Variants in UBR4 observed in about 807,000 individuals in gnomAD.
The protein encoded by UBR4 is ubiquitin protein ligase E3 component n-recognin 4.
In UBR4, 124 loss-of-function variants were observed where a neutral mutation model predicts 575.6. The observed-to-expected ratio is 0.22, with a 90% CI of 0.19 to 0.25. The LOEUF is 0.25. Ranked by LOEUF, UBR4 falls within the 10% of genes least tolerant of loss-of-function variation. The pLI is 1.00. For synonymous variants in UBR4, 2,455 were observed against 2,473.7 expected (o/e 0.99, Z 0.22); for missense variants, 4,818 against 6,478.8 (o/e 0.74, Z 8.80).
rs2083596155 is a variant in UBR4, at chr1:19,139,558, GT to G, written c.8594-339del. On this transcript the variant is annotated intron_variant, in intron 58 of 105. Transcript: ENST00000375254. This position sits in a 1 kb window ranked among gnomAD's most constrained non-coding sequence, Gnocchi z 4.2. ...TAAGAATCTGTGACATGGACGCTGAGTTTTCTAGCTAAAATGCTTCATGGTC... is the reference window on the plus strand; with the variant it reads ...TAAGAATCTGTGACATGGACGCTGAGTTTCTAGCTAAAATGCTTCATGGTC... 6.6e-6 allele frequency among the ~76,000 whole-genome samples: 1 copy of G among 152,180 alleles called. No homozygotes were observed. Among genetic ancestry groups the G allele is most frequent in the African/African-American group, 2.4e-5 (1 of 41,440 alleles).
intron 33 of UBR4, 100 bp from the exon 34 acceptor site, chr1:19,163,927 C>T: frequency 7.9e-7 from 1 of 1,259,034 alleles, no homozygotes; most frequent in South Asian, 1.2e-5. Context: ...AATCTGAGGA[C>T]ACTGTGAAGC....
At chr1:19,161,195 G>A (rs2087293517) in intron 37 of UBR4, 48 bp from the exon 38 acceptor site, 1 of 1,553,128 alleles carries the variant, frequency 6.4e-7, no homozygotes, top group Non-Finnish European at 8.8e-7. Flanking sequence ...CTCAAGCACA[G>A]AGGAAATACT....
At chr1:19,163,160 C>A (rs1326671571) in intron 34 of UBR4, among the ~76,000 whole-genome samples, 1 of 152,154 alleles carries the variant, frequency 6.6e-6, no homozygotes, top group Non-Finnish European at 1.5e-5. Flanking sequence ...CTTTGCTCTG[C>A]ACTCTGACAT....
chr1:19,170,256 G>A (rs1470195462), intron 26 of UBR4, among the ~76,000 whole-genome samples: 2 of 152,138 alleles, frequency 1.3e-5, no homozygotes, highest in Non-Finnish European at 2.9e-5. Flanking sequence ...AAAATTATAC[G>A]GGTATGGTAT....
chr1:19,199,526 T>TA, intron 3 of UBR4, 125 bp downstream of exon 3: 1 of 800,546 alleles, frequency 1.2e-6, no homozygotes, highest in Non-Finnish European at 2.0e-6. Flanking sequence ...ACAGATAACA[T>TA]ACAGCCTGCA....
In UBR4 at chr1:19,101,687, G is replaced by A. The variant is rs138664364; in HGVS notation, c.12902-46C>T. 1.2e-5 allele frequency: 19 copies of A among 1,568,416 alleles called. No homozygotes were observed. The African/African-American group carries it at 2.3e-4, about 19-fold the overall frequency. ...CAAGTTAGGAAAGAGCCTCTCCCAT[G>A]GAAGGTGAAATGAGAATTCTAACTG... On this transcript the variant is annotated intron_variant, in intron 87 of 105. Transcript: ENST00000375254.
intron 5 of UBR4, 106 bp downstream of exon 5, chr1:19,198,431 CATGT>C (rs1377780382): frequency 1.4e-5 from 20 of 1,399,828 alleles, no homozygotes; most frequent in Non-Finnish European, 1.9e-5. Context: ...GTCCCACAGA[CATGT>C]ATATCATTTT....
rs2092160566 is a variant in UBR4 at position 19,192,469 on chromosome 1, T to C, written c.1203+12A>G. ...ATAGGAAGTATGCAGCAGAGACAGA[T>C]ACGCTTCTTACCTCACCACCAGCCC... On this transcript the variant is annotated intron_variant, in intron 10 of 105. Coordinates refer to ENST00000375254, the MANE Select transcript of UBR4 (RefSeq NM_020765.3). The C allele has an allele frequency of 3.1e-6, 5 of 1,614,172 alleles. No homozygotes were observed. The East Asian group carries it at 6.7e-5, about 22-fold the overall frequency.
chr1:19,097,290 G>C lies in UBR4; in HGVS notation c.13303-10C>G. Reference sequence around the variant, plus strand: ...TCCTCATGGGCTCTCCCTGAGCAGAGAAAGTTGGAGAAAGGTACTTAAAAA... The same window carrying C: ...TCCTCATGGGCTCTCCCTGAGCAGACAAAGTTGGAGAAAGGTACTTAAAAA... On this transcript the variant is annotated splice_polypyrimidine_tract_variant and intron_variant, in intron 90 of 105. Coordinates refer to ENST00000375254, the MANE Select transcript of UBR4 (RefSeq NM_020765.3). The C allele has an allele frequency of 5.0e-6, 8 of 1,610,610 alleles. No homozygotes were observed. Among genetic ancestry groups the C allele is most frequent in the Non-Finnish European group, 6.8e-6 (8 of 1,178,576 alleles).
intron 68 of UBR4, among the ~76,000 whole-genome samples, 193 bp from the exon 69 acceptor site, chr1:19,120,541 T>C (rs1401370738): frequency 6.6e-6 from 1 of 152,240 alleles, no homozygotes; most frequent in Non-Finnish European, 1.5e-5. Flanking sequence ...ATGAGACATA[T>C]GTGTAACGTT....
chr1:19,126,730 G>T, intron 63 of UBR4, 75 bp from the exon 64 acceptor site: 1 of 1,475,642 alleles, frequency 6.8e-7, no homozygotes, highest in Non-Finnish European at 9.4e-7. Context: ...GGGTGTTGGG[G>T]ATGGGAAACA....
At chr1:19,146,627 T>A (rs1191379665) in intron 52 of UBR4, among the ~76,000 whole-genome samples, 199 bp downstream of exon 52, 4 of 152,142 alleles carry the variant, frequency 2.6e-5, no homozygotes, top group Non-Finnish European at 4.4e-5. Flanking sequence ...TAATCGAAAG[T>A]ATAAGCACTG....
chr1:19,110,763 G>A lies in UBR4; in HGVS notation c.11871C>T (p.Gly3957=), dbSNP rs1460010449. ...IIGKVSTALK[G]HWANPDLASS... ...TCACCAGATCGGGGTTGGCCCAGTG[G>A]CCCTTCAGGGCTGTGGAGACCTTGC... Residue 3957 remains glycine (G), a synonymous_variant, in exon 79 of 106, where the codon GGC becomes GGT. Coordinates refer to ENST00000375254, the MANE Select transcript of UBR4 (RefSeq NM_020765.3). The surrounding 1 kb of genome is among the most constrained non-coding windows in gnomAD (Gnocchi z 4.5). 1.2e-6 allele frequency: 2 copies of A among 1,614,072 alleles called. No individual in the cohort carries two copies. The highest frequency in any genetic ancestry group is 2.7e-5 in the African/African-American group (2 of 74,934).
Position 19,104,572 on chromosome 1 carries a change from G to C in UBR4, c.12727+13C>G, listed in dbSNP as rs749342012. 9.9e-6 allele frequency: 16 copies of C among 1,613,868 alleles called. No homozygotes were observed. The highest frequency in any genetic ancestry group is 1.4e-5 in the Non-Finnish European group (16 of 1,179,904). ...TCAGGATGCCCTAAAGGAAGGTCCA[G>C]GTGGCTCTTTACCTGTGAGACTTTT... On this transcript the variant is annotated intron_variant, in intron 86 of 105. Transcript: ENST00000375254.
At chr1:19,164,525 T>C (rs528767157) in intron 32 of UBR4, 84 bp from the exon 33 acceptor site, 7 of 1,399,820 alleles carry the variant, frequency 5.0e-6, no homozygotes, top group Admixed American at 4.2e-5. Flanking sequence ...AAATTAAACA[T>C]TAAATACATA....
At position 19,148,588 on chromosome 1, in the gene UBR4, A is replaced by G; in HGVS notation, c.7469T>C (p.Phe2490Ser). 6.2e-7 allele frequency: 1 copy of G among 1,614,234 alleles called. No homozygotes were observed. The highest frequency in any genetic ancestry group is 8.5e-7 in the Non-Finnish European group (1 of 1,180,028). ...VSSLEALESC[F>S]AVGPIIEKER... ...CTTCTCGATGATTGGGCCAACGGCA[A>G]AGCAGCTTTCCAGGGCTTCTAAAGA... Residue 2490 changes from phenylalanine (F) to serine (S), a missense_variant, in exon 50 of 106, where the codon TTT (phenylalanine) becomes TCT (serine). Phe to Ser is a radical substitution (Grantham distance 155). Coordinates refer to ENST00000375254, the MANE Select transcript of UBR4 (RefSeq NM_020765.3).
At position 19,093,535 on chromosome 1, in the gene UBR4, C is replaced by A; in HGVS notation, c.13938-49G>T. On this transcript the variant is annotated intron_variant, in intron 95 of 105. Coordinates refer to ENST00000375254, the MANE Select transcript of UBR4 (RefSeq NM_020765.3). This position sits in a 1 kb window ranked among gnomAD's most constrained non-coding sequence, Gnocchi z 4.8. ...AGGGTGTGAAAGGCGGGACAAAACC[C>A]AGTCATGTCACCCTCTTGGTTAACA... 1 of 1,587,044 alleles carries A rather than the reference C, an allele frequency of 6.3e-7. No homozygotes were observed. The highest frequency in any genetic ancestry group is 1.1e-5 in the South Asian group (1 of 88,540).
chr1:19,143,659 TTAGGAAGCTTTCAGCCA>T (rs1390084882), intron 55 of UBR4, among the ~76,000 whole-genome samples: 2 of 152,236 alleles, frequency 1.3e-5, no homozygotes, highest in Admixed American at 6.5e-5. Context: ...GCTATGGCTC[TTAGGAAGCTTTCAGCCA>T]AATATAAGAC....
intron 60 of UBR4, among the ~76,000 whole-genome samples, chr1:19,131,269 A>G (rs10799695): frequency 0.63 from 80,280 of 127,270 alleles, 25,629 homozygotes; most frequent in African/African-American, 0.76. Flanking sequence ...AAAAAAAAAA[A>G]TAAACACAGC....
Sources: allele counts gnomAD v4.1 joint callset (sites outside exome capture counted in the v4.1 genomes callset), GRCh38; gene constraint gnomAD v4.1.1; non-coding constraint Gnocchi (gnomAD v3.1); transcripts MANE v1.5; gene names NCBI Gene and HGNC (gene_info 2026-07-23, HGNC 2026-07-21).